Variants in RHCE observed in about 807,000 individuals in gnomAD.
The protein encoded by RHCE is Rh blood group CcEe antigens.
A neutral mutation model predicts 43.8 loss-of-function variants in RHCE; 22 were observed. The ratio of observed to expected loss-of-function variants is 0.50; its 90% CI spans 0.36 to 0.72. RHCE has a LOEUF of 0.72. RHCE is among the 30% of genes least tolerant of loss of function. The pLI is 0.00. For synonymous variants in RHCE, 156 were observed against 210.7 expected, an observed-to-expected ratio of 0.74 and a Z score of 2.25; for missense variants, 385 against 525.4, an observed-to-expected ratio of 0.73 and a Z score of 2.61.
intron 3 of RHCE, among the ~76,000 whole-genome samples, chr1:25,396,445 T>C (rs1384770589): frequency 6.6e-6 from 1 of 152,222 alleles, no homozygotes; most frequent in Non-Finnish European, 1.5e-5. Flanking sequence ...TTTTAGGAAA[T>C]TGTGTTAGTC....
rs1360017813 is a variant in RHCE at position 25,402,605 on chromosome 1, A to G, written c.477T>C (p.Asn159=). The change falls in exon 3 of 10, where the codon AAT becomes AAC. Residue 159 remains asparagine, a synonymous_variant. Coordinates refer to ENST00000294413, the MANE Select transcript of RHCE (RefSeq NM_020485.8). ...ALGTLRMVIS[N]IFNTDYHMNL... ...CAGCACCATGACTCACGTTGAAGAT[A>G]TTACTGATGACCATCCTCAGGGTGC... 3.1e-6 allele frequency: 5 copies of G among 1,613,892 alleles called. No individual in the cohort carries two copies. Among genetic ancestry groups the G allele is most frequent in the Middle Eastern group, 1.6e-4 (1 of 6,084 alleles).
chr1:25,415,970 A>G (rs1322391838), intron 1 of RHCE, among the ~76,000 whole-genome samples: 1 of 151,856 alleles, frequency 6.6e-6, no homozygotes, highest in African/African-American at 2.4e-5. Context: ...CATTTCTACT[A>G]AATTTCCAGG....
At chr1:25,371,167 G>A (rs971835424) in intron 8 of RHCE, among the ~76,000 whole-genome samples, 2 of 150,956 alleles carry the variant, frequency 1.3e-5, no homozygotes, top group South Asian at 4.2e-4. Flanking sequence ...GAGTAGAAGG[G>A]CCCCACGAAA....
chr1:25,412,478 C>G (rs1235839890), intron 1 of RHCE, among the ~76,000 whole-genome samples: 1 of 151,794 alleles, frequency 6.6e-6, no homozygotes, highest in African/African-American at 2.4e-5. Context: ...TTTGGGAGGC[C>G]AAGGAAGGAG....
chr1:25,389,978 T>G (rs900865784), intron 5 of RHCE, among the ~76,000 whole-genome samples: 4 of 152,136 alleles, frequency 2.6e-5, no homozygotes, highest in Non-Finnish European at 5.9e-5. Context: ...TCACTTCCTC[T>G]TAGCACTGAA....
intron 3 of RHCE, among the ~76,000 whole-genome samples, 162 bp downstream of exon 3, chr1:25,402,434 C>A (rs1646782722): frequency 6.6e-6 from 1 of 151,926 alleles, no homozygotes; most frequent in Admixed American, 6.6e-5. Context: ...CTATGATGCC[C>A]AGGCGGGTCT....
chr1:25,419,355 A>G (rs970728266), intron 1 of RHCE, among the ~76,000 whole-genome samples: 2 of 152,342 alleles, frequency 1.3e-5, no homozygotes, highest in South Asian at 2.1e-4. Flanking sequence ...AAATTGTGCC[A>G]GCTCTTGTTT....
At chr1:25,415,507 C>A (rs1647328726) in intron 1 of RHCE, among the ~76,000 whole-genome samples, 1 of 152,096 alleles carries the variant, frequency 6.6e-6, no homozygotes, top group South Asian at 2.1e-4. Flanking sequence ...ACAAAATTAG[C>A]CGGGCGTGGT....
intron 6 of RHCE, among the ~76,000 whole-genome samples, chr1:25,386,476 T>C (rs1298943817): frequency 2.0e-5 from 3 of 152,194 alleles, no homozygotes; most frequent in Admixed American, 6.5e-5. Context: ...TGGACACATA[T>C]GCAAATTCAG....
At chr1:25,371,334 C>T (rs1645606505) in intron 8 of RHCE, among the ~76,000 whole-genome samples, 1 of 151,342 alleles carries the variant, frequency 6.6e-6, no homozygotes, top group South Asian at 2.1e-4. Flanking sequence ...GCTTAAGTGC[C>T]TGTCCTTCCT....
At chr1:25,391,882 T>G in intron 4 of RHCE, 112 bp downstream of exon 4, 1 of 1,485,466 alleles carries the variant, frequency 6.7e-7, no homozygotes, top group South Asian at 1.1e-5. Flanking sequence ...ATGGAAGGGC[T>G]TCAGACACCC....
At chr1:25,387,041 A>T (rs530118924) in intron 6 of RHCE, among the ~76,000 whole-genome samples, 7 of 152,294 alleles carry the variant, frequency 4.6e-5, no homozygotes, top group East Asian at 1.9e-4. Flanking sequence ...AATAAATAAA[A>T]AAATAAGTAA....
chr1:25,383,995 T>C (rs1201899082), intron 7 of RHCE, among the ~76,000 whole-genome samples: 1 of 152,004 alleles, frequency 6.6e-6, no homozygotes, highest in Non-Finnish European at 1.5e-5. Flanking sequence ...TATAGGTCAG[T>C]GGTTCTAAAA....
chr1:25,384,058 G>A (rs1371933758), intron 7 of RHCE, among the ~76,000 whole-genome samples: 1 of 151,036 alleles, frequency 6.6e-6, no homozygotes, highest in Non-Finnish European at 1.5e-5. Context: ...GGACTGATAG[G>A]TCCCACCCCC....
chr1:25,391,662 C>T (rs573862442), intron 4 of RHCE, among the ~76,000 whole-genome samples: 26 of 152,246 alleles, frequency 1.7e-4, no homozygotes, highest in African/African-American at 6.3e-4. Context: ...ACTATTCCCA[C>T]CCTTGTTCCT....
chr1:25,386,238 G>T (rs1646155576), intron 6 of RHCE, among the ~76,000 whole-genome samples: 1 of 152,302 alleles, frequency 6.6e-6, no homozygotes, highest in African/African-American at 2.4e-5. Context: ...CCCACGAGCT[G>T]CCAGTAGCAG....
intron 3 of RHCE, among the ~76,000 whole-genome samples, chr1:25,396,233 CTG>C (rs1429204814): frequency 6.6e-6 from 1 of 152,274 alleles, no homozygotes; most frequent in Admixed American, 6.5e-5. Flanking sequence ...GATGAAGAAA[CTG>C]TTCCAGATTG....
Position 25,406,740 on chromosome 1 carries a change from C to T in RHCE, c.335+1943G>A, listed in dbSNP as rs1481410552. Among the ~76,000 whole-genome samples, 54 of 119,792 alleles carry T rather than the reference C, an allele frequency of 4.5e-4. 5 individuals are homozygous for T. The highest frequency in any genetic ancestry group is 1.4e-3 in the African/African-American group (53 of 39,054). 78.6% of individuals were successfully genotyped at this position (119,792 alleles called of 152,430 possible). A position where few individuals can be genotyped will look rare whatever the true frequency, so the allele number is the denominator to read the frequency against. The stretch of plus-strand genomic sequence containing the variant: ...TCCAAGGTTCACGCCATTCTCCTGC[C>T]TCAGCCTCCCGAGTGGCTGGGACTA... On this transcript the variant is annotated intron_variant, in intron 2 of 9. Coordinates refer to ENST00000294413, the MANE Select transcript of RHCE (RefSeq NM_020485.8).
chr1:25,412,769 A>C lies in RHCE; in HGVS notation c.149-3900T>G, dbSNP rs1647134545. ...GCCGGGCACAGTGGCTTATGCCTGT[A>C]ATCCTAGCACTTTGGGAGGCTGAGG... On this transcript the variant is annotated intron_variant, in intron 1 of 9. Coordinates refer to ENST00000294413, the MANE Select transcript of RHCE (RefSeq NM_020485.8). Among the ~76,000 whole-genome samples, 3 of 150,764 alleles carry C rather than the reference A, an allele frequency of 2.0e-5. No homozygotes were observed. The East Asian group carries it at 5.8e-4, about 29-fold the overall frequency.
Sources: gnomAD v4.1 joint callset for allele counts (sites outside exome capture counted in the v4.1 genomes callset) on GRCh38, gnomAD v4.1.1 for gene constraint, MANE v1.5 for transcripts, NCBI Gene and HGNC (gene_info 2026-07-23, HGNC 2026-07-21) for gene names.